The following C2CD5 variants were observed in gnomAD, a reference collection of about 807,000 sequenced individuals.
The protein encoded by C2CD5 is C2 domain-containing protein 5.
In C2CD5, 109 loss-of-function variants were observed where a neutral mutation model predicts 130.3. The observed-to-expected ratio is 0.84, with a 90% CI of 0.72 to 0.98. The LOEUF is 0.98. C2CD5 is among the 50% of genes least tolerant of loss of function. The pLI is 0.00. For synonymous variants in C2CD5, 454 were observed against 429.2 expected (o/e 1.06, Z -0.71); for missense variants, 996 against 1,261.8 (o/e 0.79, Z 3.19).
At chr12:22,457,282 A>G (rs909477439) in intron 24 of C2CD5, 121 bp from the exon 25 acceptor site, 10 of 585,114 alleles carry the variant, frequency 1.7e-5, no homozygotes, top group Non-Finnish European at 2.9e-5. Flanking sequence ...CCATGTCATG[A>G]AAGAAAAGAA....
intron 12 of C2CD5, among the ~76,000 whole-genome samples, chr12:22,488,065 G>T (rs1945795824): frequency 8.4e-6 from 1 of 119,072 alleles, no homozygotes; most frequent in Non-Finnish European, 1.7e-5. Flanking sequence ...GAGGGGGGAG[G>T]GATAGCATTA....
intron 22 of C2CD5, among the ~76,000 whole-genome samples, chr12:22,467,423 G>T (rs1298588738): frequency 4.6e-5 from 7 of 152,114 alleles, no homozygotes; most frequent in African/African-American, 1.4e-4. Flanking sequence ...ACAGATATGA[G>T]TCACCGCGCC....
In C2CD5 at chr12:22,458,470, A is replaced by G. The variant is rs1940420735; in HGVS notation, c.2686+14T>C. 2.5e-6 allele frequency: 3 copies of G among 1,179,366 alleles called. No homozygotes were observed. The African/African-American group carries it at 4.7e-5, about 19-fold the overall frequency. The allele number at this position is 1,179,366 out of a possible 1,614,324, so 73.1% of individuals were successfully genotyped here. A position where few individuals can be genotyped will look rare whatever the true frequency, so the allele number is the denominator to read the frequency against. On this transcript the variant is annotated intron_variant, in intron 24 of 26. Coordinates refer to ENST00000446597, the MANE Select transcript of C2CD5 (RefSeq NM_001286176.2). ...TTCTCAGATTATCATAATGTGGTAG[A>G]AACATCCGCCTACTTGTCTTAATTG... is the stretch of plus-strand genomic sequence containing the variant.
At chr12:22,450,213 G>A (rs1314252742) in intron 26 of C2CD5, among the ~76,000 whole-genome samples, 2 of 152,072 alleles carry the variant, frequency 1.3e-5, no homozygotes, top group African/African-American at 4.8e-5. Flanking sequence ...ACAAAGACAT[G>A]GGACAAGAGC....
In C2CD5 at chr12:22,448,625, C is replaced by CA. The variant is rs1365243974; in HGVS notation, c.*1134dup. ...TTTATTTAAAAAATAAAATTATAAACAAAATACAGAAAAATATTGACACCT... is the reference window on the plus strand; with the variant it reads ...TTTATTTAAAAAATAAAATTATAAACAAAAATACAGAAAAATATTGACACCT... On this transcript the variant is annotated 3_prime_UTR_variant, in exon 27 of 27. Transcript: ENST00000446597. 1 of 151,948 alleles carries CA rather than the reference C, an allele frequency of 6.6e-6. No homozygotes were observed. The highest frequency in any genetic ancestry group is 1.5e-5 in the Non-Finnish European group (1 of 67,908). 9.4% of individuals were successfully genotyped at this position (151,948 alleles called of 1,614,324 possible). A position where few individuals can be genotyped will look rare whatever the true frequency, so the allele number is the denominator to read the frequency against.
intron 22 of C2CD5, among the ~76,000 whole-genome samples, chr12:22,464,452 C>T (rs1355678796): frequency 6.6e-6 from 1 of 152,116 alleles, no homozygotes; most frequent in African/African-American, 2.4e-5. Context: ...TTTTTACTCC[C>T]TCTTCCTCTA....
intron 10 of C2CD5, among the ~76,000 whole-genome samples, chr12:22,505,254 CTTTTT>C (rs371726014): frequency 9.4e-6 from 1 of 106,328 alleles, no homozygotes. Context: ...TTCTTTCTTT[CTTTTT>C]TTTTTTTTTT....
At chr12:22,495,821 G>A (rs898127182) in intron 10 of C2CD5, among the ~76,000 whole-genome samples, 16 of 152,182 alleles carry the variant, frequency 1.1e-4, no homozygotes, top group Middle Eastern at 3.4e-3. Flanking sequence ...CTCAAAGAAC[G>A]AAGGGTTTGC....
chr12:22,535,433 A>T, intron 2 of C2CD5, 89 bp from the exon 3 acceptor site: 1 of 709,124 alleles, frequency 1.4e-6, no homozygotes, highest in South Asian at 1.6e-5. Context: ...TAGAAGGATA[A>T]ACCATAAAGG....
chr12:22,506,078 A>C (rs1195822793), intron 10 of C2CD5, among the ~76,000 whole-genome samples: 1 of 151,498 alleles, frequency 6.6e-6, no homozygotes, highest in Non-Finnish European at 1.5e-5. Flanking sequence ...AGCTCTAAGA[A>C]ATGACAGCTC....
chr12:22,500,100 C>T (rs1565736446), intron 10 of C2CD5, among the ~76,000 whole-genome samples: 1 of 152,170 alleles, frequency 6.6e-6, no homozygotes, highest in Non-Finnish European at 1.5e-5. Flanking sequence ...ATGAAAATCA[C>T]TTGAACCTGG....
Position 22,478,300 on chromosome 12 carries a change from T to C in C2CD5, c.1902+13A>G, listed in dbSNP as rs755090364. 6.3e-7 allele frequency: 1 copy of C among 1,592,400 alleles called. No homozygotes were observed. Among genetic ancestry groups the C allele is most frequent in the Non-Finnish European group, 8.6e-7 (1 of 1,160,570 alleles). On this transcript the variant is annotated intron_variant, in intron 15 of 26. Transcript: ENST00000446597. ...TAACTGATACATTCACAATGTAGGT[T>C]TGTTTTACTTACTGGAGGATTGATT...
At chr12:22,464,441 C>T (rs1565656117) in intron 22 of C2CD5, among the ~76,000 whole-genome samples, 1 of 152,126 alleles carries the variant, frequency 6.6e-6, no homozygotes. Flanking sequence ...TTTTCCTTTG[C>T]TTTTTACTCC....
rs1952744172 is a variant in C2CD5 at position 22,544,351 on chromosome 12, G to T, written c.-61C>A. ...AGGAGGAAGGGTGCTGTCCCGCGCG[G>T]GTGCTGAGACCTCATTCCGGAGAGG... On this transcript the variant is annotated 5_prime_UTR_variant, in exon 1 of 27. Coordinates refer to ENST00000446597, the MANE Select transcript of C2CD5 (RefSeq NM_001286176.2). The T allele has an allele frequency of 4.1e-6, 2 of 482,752 alleles. No individual in the cohort carries two copies. The highest frequency in any genetic ancestry group is 7.5e-5 in the East Asian group (2 of 26,774). 29.9% of individuals were successfully genotyped at this position (482,752 alleles called of 1,614,324 possible).
Position 22,455,827 on chromosome 12 carries a change from G to T in C2CD5, c.2877+1144C>A, listed in dbSNP as rs562298151. Among the ~76,000 whole-genome samples the T allele has an allele frequency of 3.9e-5, 6 of 152,170 alleles. No individual in the cohort carries two copies. In the South Asian group the frequency reaches 1.2e-3, roughly 32 times the overall value. On this transcript the variant is annotated intron_variant, in intron 25 of 26. Coordinates refer to ENST00000446597, the MANE Select transcript of C2CD5 (RefSeq NM_001286176.2). Reference sequence around the variant, plus strand: ...AGCCTCCTGAGTAGCTAGGATTACAGGCATGTGCCACCATGCCCGGCTAAT... The same window carrying T: ...AGCCTCCTGAGTAGCTAGGATTACATGCATGTGCCACCATGCCCGGCTAAT...
intron 22 of C2CD5, among the ~76,000 whole-genome samples, chr12:22,463,124 CACCT>C (rs199628277): frequency 0.015 from 2,340 of 151,932 alleles, 34 homozygotes; most frequent in Middle Eastern, 0.062. Flanking sequence ...CGGTGGCTCA[CACCT>C]GTAATCTCAG....
At chr12:22,520,461 G>A (rs1950173032) in intron 7 of C2CD5, among the ~76,000 whole-genome samples, 1 of 152,068 alleles carries the variant, frequency 6.6e-6, no homozygotes, top group East Asian at 1.9e-4. Context: ...TACTGATTTT[G>A]CAATAGGAGA....
chr12:22,467,643 T>G (rs1441393096), intron 22 of C2CD5, among the ~76,000 whole-genome samples: 1 of 152,198 alleles, frequency 6.6e-6, no homozygotes, highest in African/African-American at 2.4e-5. Flanking sequence ...TTGGTCCAAG[T>G]TCTCATGCCT....
intron 14 of C2CD5, among the ~76,000 whole-genome samples, chr12:22,481,043 G>A (rs935380400): frequency 6.6e-6 from 1 of 152,062 alleles, no homozygotes. Flanking sequence ...GGGCTTGAAC[G>A]ATCTGCCCAC....
Sources: gnomAD v4.1 joint callset for allele counts (sites outside exome capture counted in the v4.1 genomes callset) on GRCh38, gnomAD v4.1.1 for gene constraint, MANE v1.5 for transcripts, NCBI Gene and HGNC (gene_info 2026-07-23, HGNC 2026-07-21) for gene names.